TMEM132C: variants seen among roughly 807,000 people sequenced by gnomAD.
TMEM132C encodes protein phosphatase 1, regulatory subunit 152.
Under a neutral mutation model 61.4 loss-of-function variants are expected in TMEM132C, and 29 were observed. That is an observed-to-expected ratio of 0.47 (90% CI 0.35 to 0.64). The LOEUF (loss-of-function observed/expected upper bound fraction) is 0.64, where lower values mean the gene tolerates loss of function less well. Among genes scored for constraint, TMEM132C ranks in the 30% least tolerant of loss-of-function variants. TMEM132C has a pLI of 0.00. For synonymous variants in TMEM132C, 656 were observed against 633.1 expected (o/e 1.04, Z -0.54); for missense variants, 1,408 against 1,476.9 (o/e 0.95, Z 0.76).
intron 1 of TMEM132C, among the ~76,000 whole-genome samples, chr12:128,379,963 C>T (rs1384391329): frequency 6.6e-6 from 1 of 152,210 alleles, no homozygotes; most frequent in Admixed American, 6.5e-5. Context: ...GAGATAGAGA[C>T]ACTAGCCGAT....
intron 2 of TMEM132C, among the ~76,000 whole-genome samples, chr12:128,494,749 G>C (rs1164481548): frequency 6.6e-6 from 1 of 151,462 alleles, no homozygotes; most frequent in East Asian, 1.9e-4. Context: ...TTCTTCATTA[G>C]TCTTGCTAGC....
At chr12:128,663,912 GCA>G (rs1482335786) in intron 4 of TMEM132C, among the ~76,000 whole-genome samples, 1 of 138,516 alleles carries the variant, frequency 7.2e-6, no homozygotes, top group South Asian at 2.4e-4. Context: ...ACGCACACAG[GCA>G]CACACACCTG....
intron 1 of TMEM132C, among the ~76,000 whole-genome samples, chr12:128,383,795 C>CT (rs1380372378): frequency 2.0e-5 from 3 of 152,168 alleles, no homozygotes; most frequent in Admixed American, 1.3e-4. Flanking sequence ...AGCCATTTTG[C>CT]TTACTTAACG....
intron 1 of TMEM132C, among the ~76,000 whole-genome samples, chr12:128,356,615 G>A (rs984967547): frequency 6.6e-6 from 1 of 152,206 alleles, no homozygotes; most frequent in Non-Finnish European, 1.5e-5. Flanking sequence ...TTCAGCAACC[G>A]TAATTAGTGA....
intron 8 of TMEM132C, among the ~76,000 whole-genome samples, chr12:128,698,748 T>C (rs865943795): frequency 1.3e-5 from 2 of 152,216 alleles, no homozygotes; most frequent in East Asian, 3.8e-4. Flanking sequence ...CAGTTTCCTC[T>C]GGTGACTTGC....
chr12:128,705,191 C>G lies in TMEM132C; in HGVS notation c.2223C>G (p.Asp741Glu). 6.4e-7 allele frequency: 1 copy of G among 1,551,712 alleles called. No individual in the cohort carries two copies. Among genetic ancestry groups the G allele is most frequent in the Non-Finnish European group, 8.7e-7 (1 of 1,147,002 alleles). The change falls in exon 9 of 9, where the codon GAC becomes GAG. Residue 741 changes from aspartate to glutamate, a missense_variant. By Grantham distance (45) the Asp-to-Glu change is conservative. Transcript: ENST00000435159. ...KDFSLAATSQ[D>E]EAVVSVPQPR... ...TCTCCCTGGCAGCCACCTCCCAGGA[C>G]GAGGCTGTCGTGTCAGTCCCCCAGC...
Position 128,420,022 on chromosome 12 carries a change from G to A in TMEM132C, c.974+4402G>A, listed in dbSNP as rs528816165. Among the ~76,000 whole-genome samples, 5 of 151,950 alleles carry A rather than the reference G, an allele frequency of 3.3e-5. No homozygotes were observed. The East Asian group carries it at 7.8e-4, about 24-fold the overall frequency. On this transcript the variant is annotated intron_variant, in intron 2 of 8. Transcript: ENST00000435159. The stretch of plus-strand genomic sequence containing the variant: ...AGCCTAGCCAACGTGGTGAAACCCT[G>A]TCTCTACTAAAAATAAAAAAAAAAA...
At chr12:128,303,466 C>T (rs1467823417) in intron 1 of TMEM132C, among the ~76,000 whole-genome samples, 1 of 152,194 alleles carries the variant, frequency 6.6e-6, no homozygotes, top group Non-Finnish European at 1.5e-5. Context: ...TTTTAATTTA[C>T]TGTTTCTGCA....
At chr12:128,663,877 CAT>C (rs1954422210) in intron 4 of TMEM132C, among the ~76,000 whole-genome samples, 2 of 143,786 alleles carry the variant, frequency 1.4e-5, no homozygotes, top group African/African-American at 2.6e-5. Flanking sequence ...GGCACACACA[CAT>C]ACAGGCACAA....
chr12:128,601,361 G>T (rs767613443), intron 3 of TMEM132C, among the ~76,000 whole-genome samples: 1 of 152,226 alleles, frequency 6.6e-6, no homozygotes, highest in Non-Finnish European at 1.5e-5. Context: ...TCTTCACTCC[G>T]CAAACATTTG....
chr12:128,683,845 C>T (rs867430450), intron 5 of TMEM132C, among the ~76,000 whole-genome samples: 5 of 152,060 alleles, frequency 3.3e-5, no homozygotes, highest in Non-Finnish European at 5.9e-5. Context: ...GGATGCCTGT[C>T]GTCCCAAGTA....
intron 2 of TMEM132C, among the ~76,000 whole-genome samples, chr12:128,520,432 G>A (rs1368331047): frequency 6.6e-6 from 1 of 152,200 alleles, no homozygotes; most frequent in Non-Finnish European, 1.5e-5. Flanking sequence ...TCCTGAAAAG[G>A]TATAAATATG....
chr12:128,396,497 A>G (rs1213172034), intron 1 of TMEM132C, among the ~76,000 whole-genome samples: 1 of 152,040 alleles, frequency 6.6e-6, no homozygotes, highest in African/African-American at 2.4e-5. Context: ...GGTGCAGCAA[A>G]CCACCATGGC....
At chr12:128,476,117 G>A (rs1173242176) in intron 2 of TMEM132C, among the ~76,000 whole-genome samples, 1 of 152,206 alleles carries the variant, frequency 6.6e-6, no homozygotes, top group South Asian at 2.1e-4. Context: ...TCCCTTCAGA[G>A]TCAGTCTCTG....
chr12:128,300,570 GAGA>G (rs1291233997), intron 1 of TMEM132C, among the ~76,000 whole-genome samples: 3 of 152,148 alleles, frequency 2.0e-5, no homozygotes, highest in African/African-American at 7.2e-5. Flanking sequence ...CTAAGCCTAT[GAGA>G]GGACACCAAG....
chr12:128,574,628 A>G (rs1364100335), intron 3 of TMEM132C, among the ~76,000 whole-genome samples: 2 of 152,148 alleles, frequency 1.3e-5, no homozygotes, highest in Non-Finnish European at 2.9e-5. Context: ...CAGGCGAGAG[A>G]CTTCAGTTCC....
In TMEM132C at chr12:128,573,451, G is replaced by A. The variant is rs1390332892; in HGVS notation, c.1121+29348G>A. Among the ~76,000 whole-genome samples the A allele has an allele frequency of 9.9e-5, 15 of 151,952 alleles. No homozygotes were observed. The East Asian group carries it at 1.4e-3, about 14-fold the overall frequency. ...GGAACATCACACACCGGGGCCTGTC[G>A]TGGGGTGGGGGGAGTGGGGAGGGAT... On this transcript the variant is annotated intron_variant, in intron 3 of 8. Transcript: ENST00000435159.
intron 1 of TMEM132C, among the ~76,000 whole-genome samples, chr12:128,354,136 A>G (rs1190432719): frequency 6.6e-6 from 1 of 152,076 alleles, no homozygotes; most frequent in Non-Finnish European, 1.5e-5. Flanking sequence ...ATTGGGCCAA[A>G]TAAATTGCAT....
Position 128,570,726 on chromosome 12 carries a change from T to C in TMEM132C, c.1121+26623T>C, listed in dbSNP as rs761819969. Among the ~76,000 whole-genome samples the C allele has an allele frequency of 1.4e-4, 21 of 152,206 alleles. No individual in the cohort carries two copies. The highest frequency in any genetic ancestry group is 5.1e-4 in the African/African-American group (21 of 41,456). ...ACAGCTATACCCACAGGCATCTTAT[T>C]GTGTTCCAGGTAGAGCAAATGGAGG... is the stretch of plus-strand genomic sequence containing the variant. On this transcript the variant is annotated intron_variant, in intron 3 of 8. Transcript: ENST00000435159. The surrounding 1 kb of genome is among the most constrained non-coding windows in gnomAD (Gnocchi z 4.7).
Sources: allele counts gnomAD v4.1 joint callset (sites outside exome capture counted in the v4.1 genomes callset), GRCh38; gene constraint gnomAD v4.1.1; non-coding constraint Gnocchi (gnomAD v3.1); transcripts MANE v1.5; gene names NCBI Gene and HGNC (gene_info 2026-07-23, HGNC 2026-07-21).